NPSR1: variants seen among roughly 807,000 people sequenced by gnomAD.
The protein encoded by NPSR1 is neuropeptide S receptor 1, also known as neuropeptide S receptor.
Under a neutral mutation model 46.9 loss-of-function variants are expected in NPSR1, and 48 were observed. The observed-to-expected ratio is 1.02, with a 90% CI of 0.81 to 1.30. The LOEUF (loss-of-function observed/expected upper bound fraction) is 1.30. NPSR1 is among the 50% of genes most tolerant of loss of function. NPSR1 has a pLI of 0.00. For missense variants in NPSR1, 450 were observed against 449.5 expected (o/e 1.00, Z -0.01); for synonymous variants, 176 against 168.1 (o/e 1.05, Z -0.36).
intron 4 of NPSR1, among the ~76,000 whole-genome samples, chr7:34,813,143 C>T (rs966255322): frequency 6.6e-6 from 1 of 152,042 alleles, no homozygotes; most frequent in East Asian, 1.9e-4. Context: ...TGTGGCACTG[C>T]CTACAATAGC....
At chr7:34,714,330 G>A (rs1783452735) in intron 2 of NPSR1, among the ~76,000 whole-genome samples, 1 of 152,302 alleles carries the variant, frequency 6.6e-6, no homozygotes, top group Non-Finnish European at 1.5e-5. Context: ...AGGGAGACGG[G>A]ACCACACAAG....
rs56880784 is a variant in NPSR1, at chr7:34,725,099, TCACA to T, written c.280+40438_280+40441del. Among the ~76,000 whole-genome samples, 1,312 of 146,578 alleles carry T rather than the reference TCACA, an allele frequency of 9.0e-3. 9 individuals are homozygous for T. Among genetic ancestry groups the T allele is most frequent in the Non-Finnish European group, 0.012 (773 of 66,286 alleles). ...TCTAAGTACCCACACACACACAGAC[TCACA>T]CACACACACACACACACACACAGAC... On this transcript the variant is annotated intron_variant, in intron 2 of 8. Transcript: ENST00000360581.
intron 2 of NPSR1, among the ~76,000 whole-genome samples, chr7:34,757,878 G>A (rs1785951079): frequency 6.6e-6 from 1 of 152,228 alleles, no homozygotes. Flanking sequence ...CAACAGCTCA[G>A]ACTCTTCTAG....
At chr7:34,778,317 C>T in intron 2 of NPSR1, 145 bp from the exon 3 acceptor site, 1 of 520,554 alleles carries the variant, frequency 1.9e-6, no homozygotes, top group South Asian at 2.7e-5. Context: ...TTTGCATTTC[C>T]TCAGTGGCCA....
chr7:34,704,925 T>C (rs951268929), intron 2 of NPSR1, among the ~76,000 whole-genome samples: 9 of 152,266 alleles, frequency 5.9e-5, no homozygotes, highest in African/African-American at 2.2e-4. Context: ...TTTGGCTTCC[T>C]GAGCTGGTTG....
At chr7:34,689,216 A>G (rs1793094348) in intron 2 of NPSR1, among the ~76,000 whole-genome samples, 1 of 152,180 alleles carries the variant, frequency 6.6e-6, no homozygotes, top group South Asian at 2.1e-4. Context: ...TCTCCCAGTA[A>G]ACAAGAATCA....
intron 2 of NPSR1, among the ~76,000 whole-genome samples, chr7:34,705,076 A>G (rs1429774940): frequency 1.3e-5 from 2 of 152,218 alleles, no homozygotes; most frequent in East Asian, 1.9e-4. Flanking sequence ...CTCTTTTTAT[A>G]TACATATTTT....
At chr7:34,830,911 G>A (rs1279851807) in intron 5 of NPSR1, among the ~76,000 whole-genome samples, 2 of 152,094 alleles carry the variant, frequency 1.3e-5, no homozygotes, top group African/African-American at 4.8e-5. Flanking sequence ...TCTGGCCCAT[G>A]TGCATCACTC....
intron 2 of NPSR1, among the ~76,000 whole-genome samples, chr7:34,740,554 C>T (rs1474088480): frequency 6.6e-6 from 1 of 152,174 alleles, no homozygotes; most frequent in Non-Finnish European, 1.5e-5. Context: ...TGTTAGGGGA[C>T]CCACAGAGCC....
chr7:34,672,509 C>T lies in NPSR1; in HGVS notation c.148-12043C>T, dbSNP rs535056809. ...TGCCAAGCCCTGATCGAAATGAGAA[C>T]GTTTAGGATGTGGGAGATTAACATT... On this transcript the variant is annotated intron_variant, in intron 1 of 8. Coordinates refer to ENST00000360581, the MANE Select transcript of NPSR1 (RefSeq NM_207172.2). 6.8e-5 allele frequency among the ~76,000 whole-genome samples: 10 copies of T among 147,798 alleles called. No homozygotes were observed. In the South Asian group the frequency reaches 1.7e-3, roughly 25 times the overall value.
intron 4 of NPSR1, among the ~76,000 whole-genome samples, chr7:34,813,748 G>C (rs931264696): frequency 2.6e-5 from 4 of 152,186 alleles, no homozygotes; most frequent in Non-Finnish European, 5.9e-5. Flanking sequence ...CTAGTTATGG[G>C]AGTTAGACCA....
chr7:34,661,599 C>G (rs930754526), intron 1 of NPSR1, among the ~76,000 whole-genome samples: 3 of 152,206 alleles, frequency 2.0e-5, no homozygotes, highest in African/African-American at 7.2e-5. Context: ...CCCTTGAATT[C>G]TGGCTTCTGC....
chr7:34,698,153 T>C (rs1466453298), intron 2 of NPSR1, among the ~76,000 whole-genome samples: 2 of 152,182 alleles, frequency 1.3e-5, no homozygotes, highest in African/African-American at 4.8e-5. Flanking sequence ...TGTAGCTTTA[T>C]CTGTGTCTTA....
intron 8 of NPSR1, among the ~76,000 whole-genome samples, chr7:34,875,399 G>A (rs533057755): frequency 3.3e-5 from 5 of 152,332 alleles, no homozygotes; most frequent in Admixed American, 2.6e-4. Context: ...CTCTTCTAAG[G>A]GGTAACGTCT....
chr7:34,868,105 C>A (rs1791360463), intron 8 of NPSR1, among the ~76,000 whole-genome samples: 1 of 151,782 alleles, frequency 6.6e-6, no homozygotes, highest in African/African-American at 2.4e-5. Flanking sequence ...GGAGAGTGGA[C>A]TGTTATTAAA....
At chr7:34,658,915 G>C (rs1179951766) in intron 1 of NPSR1, among the ~76,000 whole-genome samples, 1 of 152,190 alleles carries the variant, frequency 6.6e-6, no homozygotes, top group Non-Finnish European at 1.5e-5. Flanking sequence ...AGGGGTTAGA[G>C]CTATGAGTTT....
At chr7:34,690,215 A>T (rs1358258931) in intron 2 of NPSR1, among the ~76,000 whole-genome samples, 1 of 152,102 alleles carries the variant, frequency 6.6e-6, no homozygotes, top group East Asian at 1.9e-4. Context: ...CACAACATAA[A>T]CTATAGACAT....
At chr7:34,761,773 T>C (rs951869862) in intron 2 of NPSR1, among the ~76,000 whole-genome samples, 1 of 152,208 alleles carries the variant, frequency 6.6e-6, no homozygotes, top group Admixed American at 6.5e-5. Context: ...AAGTTGTCTA[T>C]GTCTTATATT....
chr7:34,846,990 C>T (rs745502530), intron 7 of NPSR1, among the ~76,000 whole-genome samples: 8 of 152,134 alleles, frequency 5.3e-5, no homozygotes, highest in Non-Finnish European at 8.8e-5. Context: ...CACATGGAAA[C>T]ACCCAAGCAC....
Sources: gnomAD v4.1 joint callset for allele counts (sites outside exome capture counted in the v4.1 genomes callset) on GRCh38, gnomAD v4.1.1 for gene constraint, MANE v1.5 for transcripts, NCBI Gene and HGNC (gene_info 2026-07-23, HGNC 2026-07-21) for gene names.